AMD1: variants seen among roughly 807,000 people sequenced by gnomAD.
The protein encoded by AMD1 is S-adenosylmethionine decarboxylase proenzyme.
AMD1 carries 11 observed loss-of-function variants against 40.2 expected under a neutral mutation model. The observed-to-expected ratio is 0.27, with a 90% CI of 0.17 to 0.45. The LOEUF is 0.45. Among genes scored for constraint, AMD1 ranks in the 20% least tolerant of loss-of-function variants. AMD1 has a pLI of 1.00. For synonymous variants in AMD1, 121 were observed against 130.8 expected (o/e 0.93, Z 0.51); for missense variants, 257 against 410.2 (o/e 0.63, Z 3.23).
At chr6:110,861,689 A>G in the AMD1 span, among the ~76,000 whole-genome samples, 1 of 150,538 alleles carries the variant, frequency 6.6e-6, no homozygotes. Context: ...TAAAAATACA[A>G]AAACTAACCA....
Position 110,888,942 on chromosome 6 carries a change from T to A in AMD1, c.283T>A (p.Leu95Met). Residue 95 changes from leucine to methionine, a missense_variant, in exon 3 of 9, where the codon TTG (leucine) becomes ATG (methionine). This residue lies in a region of AMD1 where 192 missense variants were observed against 296.5 expected (regional missense o/e 0.65). Transcript: ENST00000368885. ...TLLLKALVPL[L>M]KLARDYSGFD... ...CTTGCTGAAAGCACTGGTTCCCCTG[T>A]TGAAGCTTGCTAGGGATTACAGTGG... The A allele has an allele frequency of 6.2e-7, 1 of 1,614,038 alleles. No individual in the cohort carries two copies. The highest frequency in any genetic ancestry group is 8.5e-7 in the Non-Finnish European group (1 of 1,179,982).
rs529051635 is a variant in AMD1, at chr6:110,891,949, G to C, written c.428-212G>C. 6.7e-6 allele frequency: 4 copies of C among 595,438 alleles called. No homozygotes were observed. The Admixed American group carries it at 1.2e-4, about 18-fold the overall frequency. 36.9% of individuals were successfully genotyped at this position (595,438 alleles called of 1,614,324 possible). A position where few individuals can be genotyped will look rare whatever the true frequency, so the allele number is the denominator to read the frequency against. The stretch of plus-strand genomic sequence containing the variant: ...GTAGCGATGGGGTTTCATCATGTTG[G>C]CCAGGCTCGAACTCTTGACCTCAAG... On this transcript the variant is annotated intron_variant, in intron 4 of 8. Coordinates refer to ENST00000368885, the MANE Select transcript of AMD1 (RefSeq NM_001634.6).
chr6:110,881,747 C>T (rs978760463), intron 1 of AMD1, among the ~76,000 whole-genome samples: 1 of 151,958 alleles, frequency 6.6e-6, no homozygotes, highest in Non-Finnish European at 1.5e-5. Flanking sequence ...CTTGCTTGAA[C>T]CTGGGAGGCG....
intron 1 of AMD1, chr6:110,875,630 T>G: frequency 6.2e-6 from 1 of 160,042 alleles, no homozygotes; most frequent in Non-Finnish European, 1.4e-5. Flanking sequence ...CAGGTGTGGC[T>G]CGGCGGGCTT....
At chr6:110,836,253 T>C in the AMD1 span, among the ~76,000 whole-genome samples, 111 of 152,208 alleles carry the variant, frequency 7.3e-4, 4 homozygotes, top group South Asian at 0.023. Context: ...AAAAAATCAA[T>C]GCTCATCTTT....
At chr6:110,840,871 A>G in the AMD1 span, among the ~76,000 whole-genome samples, 1 of 152,168 alleles carries the variant, frequency 6.6e-6, no homozygotes, top group Non-Finnish European at 1.5e-5. Flanking sequence ...AAAAACTATA[A>G]CAAGGAATAT....
the AMD1 span, among the ~76,000 whole-genome samples, chr6:110,843,887 C>T: frequency 6.6e-6 from 1 of 152,220 alleles, no homozygotes; most frequent in South Asian, 2.1e-4. Flanking sequence ...GGAGCTCGGC[C>T]CCTTTTCCAC....
intron 2 of AMD1, 44 bp from the exon 3 acceptor site, chr6:110,888,813 G>T: frequency 6.3e-7 from 1 of 1,580,078 alleles, no homozygotes; most frequent in Non-Finnish European, 8.6e-7. Context: ...ACCCTCAGTA[G>T]TACATTAGTA....
At chr6:110,814,998 C>T in the AMD1 span, 2 of 1,603,444 alleles carry the variant, frequency 1.2e-6, no homozygotes, top group Non-Finnish European at 1.7e-6. Context: ...TCCTCCCGCC[C>T]CTGCTCTTAC....
the AMD1 span, among the ~76,000 whole-genome samples, chr6:110,861,648 C>T: frequency 4.6e-5 from 7 of 152,150 alleles, no homozygotes; most frequent in Admixed American, 1.3e-4. Flanking sequence ...TCGAGACCAG[C>T]CTGGCCAACA....
the AMD1 span, among the ~76,000 whole-genome samples, chr6:110,849,016 A>G: frequency 6.6e-6 from 1 of 152,228 alleles, no homozygotes; most frequent in Non-Finnish European, 1.5e-5. Context: ...TTAATAAAAA[A>G]TGATTGATTC....
At chr6:110,817,783 G>A in the AMD1 span, among the ~76,000 whole-genome samples, 1 of 152,206 alleles carries the variant, frequency 6.6e-6, no homozygotes, top group Admixed American at 6.5e-5. Flanking sequence ...AAGAGCACTG[G>A]TAGAATAGGC....
At chr6:110,835,875 C>T in the AMD1 span, among the ~76,000 whole-genome samples, 3 of 149,406 alleles carry the variant, frequency 2.0e-5, no homozygotes, top group Admixed American at 6.7e-5. Context: ...CCCCACCCCA[C>T]CCCCCAAAAA....
At chr6:110,845,038 CTTTTTTTTTT>C in the AMD1 span, among the ~76,000 whole-genome samples, 2 of 122,248 alleles carry the variant, frequency 1.6e-5, no homozygotes, top group Admixed American at 1.7e-4. Context: ...TGCCACAGAC[CTTTTTTTTTT>C]TTTTTTTTTG....
chr6:110,839,414 G>A, the AMD1 span, among the ~76,000 whole-genome samples: 1 of 152,004 alleles, frequency 6.6e-6, no homozygotes, highest in African/African-American at 2.4e-5. Context: ...AAAGGTGTAG[G>A]TGCTTTTCCC....
At position 110,879,968 on chromosome 6, in the gene AMD1, C is replaced by CTT. The variant is rs113295813; in HGVS notation, c.110+4764_110+4765dup. On this transcript the variant is annotated intron_variant, in intron 1 of 8. Coordinates refer to ENST00000368885, the MANE Select transcript of AMD1 (RefSeq NM_001634.6). ...ATCCTTCTGTATTTAAGTTCTTGGT[C>CTT]TTTTTTTTTTTTGGACAGTCTCAGT... Among the ~76,000 whole-genome samples the CTT allele has an allele frequency of 5.5e-5, 8 of 145,090 alleles. No homozygotes were observed. The Admixed American group carries it at 5.5e-4, about 10-fold the overall frequency.
upstream of AMD1, among the ~76,000 whole-genome samples, chr6:110,873,779 C>T (rs542655646): frequency 4.7e-4 from 72 of 152,244 alleles, no homozygotes; most frequent in African/African-American, 1.7e-3. Flanking sequence ...AAGTTACCAC[C>T]AGTGATAGCT....
At chr6:110,886,998 A>G (rs76923051) in intron 1 of AMD1, among the ~76,000 whole-genome samples, 2,829 of 152,214 alleles carry the variant, frequency 0.019, 40 homozygotes, top group Non-Finnish European at 0.029. Context: ...TATTCCCAAA[A>G]TCTTCTAGGT....
the AMD1 span, among the ~76,000 whole-genome samples, chr6:110,839,059 G>A: frequency 1.3e-5 from 2 of 152,140 alleles, no homozygotes; most frequent in Non-Finnish European, 2.9e-5. Flanking sequence ...GAGCCACCGC[G>A]CCTGGCCCCT....
Sources: gnomAD v4.1 joint callset for allele counts (sites outside exome capture counted in the v4.1 genomes callset) on GRCh38, gnomAD v4.1.1 for gene constraint, gnomAD v4.1.1 regional missense constraint, MANE v1.5 for transcripts, NCBI Gene and HGNC (gene_info 2026-07-23, HGNC 2026-07-21) for gene names.